The following EPB41L4A variants were observed in gnomAD, a reference collection of about 807,000 sequenced individuals.
The protein encoded by EPB41L4A is band 4.1-like protein 4A.
In EPB41L4A, 100 loss-of-function variants were observed where a neutral mutation model predicts 108.6. The ratio of observed to expected loss-of-function variants is 0.92; its 90% CI spans 0.78 to 1.09. The LOEUF (loss-of-function observed/expected upper bound fraction) is 1.09, where lower values mean the gene tolerates loss of function less well. Among genes scored for constraint, EPB41L4A ranks in the 50% least tolerant of loss-of-function variants. EPB41L4A has a pLI of 0.00. For synonymous variants in EPB41L4A, 319 were observed against 289.0 expected, an observed-to-expected ratio of 1.10 and a Z score of -1.05; for missense variants, 1,030 against 842.7, an observed-to-expected ratio of 1.22 and a Z score of -2.75.
At chr5:112,215,549 T>A (rs1374402504) in intron 12 of EPB41L4A, among the ~76,000 whole-genome samples, 2 of 151,878 alleles carry the variant, frequency 1.3e-5, no homozygotes, top group Non-Finnish European at 2.9e-5. Flanking sequence ...GATCATGAGG[T>A]CAGGAGATCG....
At chr5:112,280,177 C>T (rs560010411) in intron 3 of EPB41L4A, 95 bp downstream of exon 3, 11 of 1,031,554 alleles carry the variant, frequency 1.1e-5, no homozygotes, top group Non-Finnish European at 1.7e-5. Context: ...TCACTTCTTT[C>T]TCCAGTACTA....
At chr5:112,369,374 G>A (rs888166738) in intron 1 of EPB41L4A, among the ~76,000 whole-genome samples, 10 of 152,144 alleles carry the variant, frequency 6.6e-5, no homozygotes, top group African/African-American at 2.4e-4. Flanking sequence ...ACGCAATCCA[G>A]CAAGATCTAT....
intron 1 of EPB41L4A, among the ~76,000 whole-genome samples, chr5:112,368,097 G>A (rs76547205): frequency 0.013 from 1,987 of 152,214 alleles, 53 homozygotes; most frequent in African/African-American, 0.043. Context: ...CAAAATAATC[G>A]AAATGCAGCA....
At chr5:112,333,762 C>T (rs1489133120) in intron 1 of EPB41L4A, among the ~76,000 whole-genome samples, 1 of 152,202 alleles carries the variant, frequency 6.6e-6, no homozygotes, top group African/African-American at 2.4e-5. Flanking sequence ...GGCAACCCGG[C>T]TGTCTGCCAG....
At chr5:112,333,657 CAG>C (rs1400679215) in intron 1 of EPB41L4A, among the ~76,000 whole-genome samples, 14 of 152,180 alleles carry the variant, frequency 9.2e-5, no homozygotes, top group Non-Finnish European at 1.0e-4. Flanking sequence ...GTATGAGTTG[CAG>C]TCTCTCTCTC....
intron 17 of EPB41L4A, among the ~76,000 whole-genome samples, chr5:112,193,581 G>A (rs1052340288): frequency 6.6e-6 from 1 of 152,136 alleles, no homozygotes; most frequent in Non-Finnish European, 1.5e-5. Context: ...GATTACAGGC[G>A]TGAGCCACCG....
rs985943016 is a variant in EPB41L4A at position 112,206,577 on chromosome 5, G to C, written c.1179-1073C>G. On this transcript the variant is annotated intron_variant, in intron 13 of 22. Coordinates refer to ENST00000261486, the MANE Select transcript of EPB41L4A (RefSeq NM_022140.5). ...ATGATGAAAATTAACAAATATGGCA[G>C]ATATTTAATACGATAGTAGAAAGTG... is the stretch of plus-strand genomic sequence containing the variant. Among the ~76,000 whole-genome samples, 5 of 152,186 alleles carry C rather than the reference G, an allele frequency of 3.3e-5. No individual in the cohort carries two copies. The East Asian group carries it at 7.7e-4, about 24-fold the overall frequency.
Position 112,307,412 on chromosome 5 carries a change from G to A in EPB41L4A, c.178C>T (p.Arg60Cys), listed in dbSNP as rs754706257. Reference sequence around the variant, plus strand: ...GTCTGATGGCTTCTGTCACAGTAACGTAGCCCAAAATAATCTATCTCCACA... The same window carrying A: ...GTCTGATGGCTTCTGTCACAGTAACATAGCCCAAAATAATCTATCTCCACA... ...NLVEIDYFGL[R>C]YCDRSHQTYW... Residue 60 changes from arginine (R) to cysteine (C), a missense_variant, in exon 2 of 23, where the codon CGT (arginine) becomes TGT (cysteine). Transcript: ENST00000261486. 16 of 1,612,552 alleles carry A rather than the reference G, an allele frequency of 9.9e-6. No homozygotes were observed. The highest frequency in any genetic ancestry group is 1.6e-4 in the Middle Eastern group (1 of 6,080).
rs1302889549 is a variant in EPB41L4A at position 112,163,550 on chromosome 5, T to C, written c.*1440A>G. 1 of 152,108 alleles carries C rather than the reference T, an allele frequency of 6.6e-6. No individual in the cohort carries two copies. Among genetic ancestry groups the C allele is most frequent in the Non-Finnish European group, 1.5e-5 (1 of 68,034 alleles). 9.4% of individuals were successfully genotyped at this position (152,108 alleles called of 1,614,324 possible). A position where few individuals can be genotyped will look rare whatever the true frequency, so the allele number is the denominator to read the frequency against. On this transcript the variant is annotated 3_prime_UTR_variant, in exon 23 of 23. Coordinates refer to ENST00000261486, the MANE Select transcript of EPB41L4A (RefSeq NM_022140.5). ...GTGGTAGGAGCAAAATAGGATTATA[T>C]TAAAGAAGCAAAAGAATGTCCTAAA...
At chr5:112,286,182 T>C (rs943260803) in intron 2 of EPB41L4A, among the ~76,000 whole-genome samples, 4 of 151,988 alleles carry the variant, frequency 2.6e-5, no homozygotes, top group African/African-American at 9.7e-5. Flanking sequence ...GTCATTTCCC[T>C]CACTATTCAT....
chr5:112,359,024 T>C (rs7731919), intron 1 of EPB41L4A, among the ~76,000 whole-genome samples: 31,424 of 152,164 alleles, frequency 0.21, 3,685 homozygotes, highest in East Asian at 0.33. Context: ...AAGAGTAATT[T>C]ACCTCTGGGT....
At chr5:112,152,243 A>C (rs529212139) in intron 12 of EPB41L4A, among the ~76,000 whole-genome samples, 10 of 152,334 alleles carry the variant, frequency 6.6e-5, no homozygotes, top group African/African-American at 2.4e-4. Context: ...AGAACAAAAT[A>C]AAATGGTAGA....
In EPB41L4A at chr5:112,266,246, C is replaced by T. The variant is rs746775281; in HGVS notation, c.420G>A (p.Ala140=). 60 of 1,607,580 alleles carry T rather than the reference C, an allele frequency of 3.7e-5. No individual in the cohort carries two copies. Among genetic ancestry groups the T allele is most frequent in the South Asian group, 1.8e-4 (16 of 89,378 alleles). The change falls in exon 5 of 23, where the codon GCG becomes GCA. Residue 140 remains alanine, a synonymous_variant. Transcript: ENST00000261486. ...AGTGGCACCTACACTGGATGGCATACGCTCCCAGCTGAGCAGCAGTGTTGA... is the reference window on the plus strand; with the variant it reads ...AGTGGCACCTACACTGGATGGCATATGCTCCCAGCTGAGCAGCAGTGTTGA... The part of the protein sequence containing the change: ...CPVNTAAQLG[A]YAIQSELGDY...
intron 18 of EPB41L4A, among the ~76,000 whole-genome samples, chr5:112,173,088 G>T (rs375835929): frequency 6.6e-5 from 10 of 152,342 alleles, no homozygotes; most frequent in African/African-American, 2.4e-4. Context: ...TATGACCTAG[G>T]AATTAAGTGG....
intron 12 of EPB41L4A, among the ~76,000 whole-genome samples, chr5:112,233,650 C>A (rs962512575): frequency 6.6e-6 from 1 of 151,982 alleles, no homozygotes; most frequent in East Asian, 1.9e-4. Flanking sequence ...CAGGCTCAAG[C>A]GATACTTCTG....
chr5:112,397,718 A>G (rs1166970110), intron 1 of EPB41L4A, among the ~76,000 whole-genome samples: 2 of 152,256 alleles, frequency 1.3e-5, no homozygotes, highest in Non-Finnish European at 2.9e-5. Flanking sequence ...ATTATAAAAT[A>G]AAATAGCAAT....
intron 1 of EPB41L4A, among the ~76,000 whole-genome samples, chr5:112,411,001 C>T (rs186002705): frequency 6.6e-6 from 1 of 152,156 alleles, no homozygotes; most frequent in Non-Finnish European, 1.5e-5. Flanking sequence ...CCTTTCCTTG[C>T]CCCTGGATTC....
intron 12 of EPB41L4A, among the ~76,000 whole-genome samples, chr5:112,157,575 C>A (rs1213827584): frequency 2.0e-5 from 3 of 152,186 alleles, no homozygotes. Flanking sequence ...TGCCCATATT[C>A]TTTGGCTTGT....
intron 2 of EPB41L4A, among the ~76,000 whole-genome samples, chr5:112,304,720 G>A (rs1300713198): frequency 6.6e-6 from 1 of 152,072 alleles, no homozygotes; most frequent in East Asian, 1.9e-4. Flanking sequence ...GTTTCAACAG[G>A]AAAGGCCTTT....
Sources: allele counts gnomAD v4.1 joint callset (sites outside exome capture counted in the v4.1 genomes callset), GRCh38; gene constraint gnomAD v4.1.1; transcripts MANE v1.5; gene names NCBI Gene and HGNC (gene_info 2026-07-23, HGNC 2026-07-21).